THSD7B: variants seen among roughly 807,000 people sequenced by gnomAD.
THSD7B encodes thrombospondin type 1 domain containing 7B.
In THSD7B, 138 loss-of-function variants were observed where a neutral mutation model predicts 213.6. The ratio of observed to expected loss-of-function variants is 0.65; its 90% CI spans 0.56 to 0.74. THSD7B has a LOEUF of 0.74. Ranked by LOEUF, THSD7B falls within the 30% of genes least tolerant of loss-of-function variation. The pLI is 0.00. For synonymous variants in THSD7B, 742 were observed against 687.0 expected (o/e 1.08, Z -1.25); for missense variants, 1,931 against 1,991.5 (o/e 0.97, Z 0.58).
At chr2:136,974,308 C>T (rs1245185456) in intron 2 of THSD7B, among the ~76,000 whole-genome samples, 1 of 152,052 alleles carries the variant, frequency 6.6e-6, no homozygotes, top group Non-Finnish European at 1.5e-5. Flanking sequence ...GTATTAAGCC[C>T]AGCATGCATT....
At chr2:137,502,088 T>C (rs1679719907) in intron 15 of THSD7B, among the ~76,000 whole-genome samples, 1 of 152,184 alleles carries the variant, frequency 6.6e-6, no homozygotes, top group African/African-American at 2.4e-5. Context: ...TGAAATGTTT[T>C]AGTATAACCT....
At chr2:137,613,540 C>A (rs1174832260) in intron 17 of THSD7B, among the ~76,000 whole-genome samples, 1 of 152,182 alleles carries the variant, frequency 6.6e-6, no homozygotes, top group East Asian at 1.9e-4. Flanking sequence ...GTACTAGACA[C>A]TAACTGGTTC....
At chr2:136,958,091 T>C (rs1269089977) in intron 2 of THSD7B, among the ~76,000 whole-genome samples, 1 of 152,210 alleles carries the variant, frequency 6.6e-6, no homozygotes, top group African/African-American at 2.4e-5. Context: ...AATATTCTCA[T>C]CTTATTTTAT....
chr2:137,249,910 G>A (rs1353743735), intron 10 of THSD7B, among the ~76,000 whole-genome samples: 1 of 152,190 alleles, frequency 6.6e-6, no homozygotes, highest in Non-Finnish European at 1.5e-5. Flanking sequence ...TTTGACATGT[G>A]CTATCTCATA....
At chr2:136,923,746 A>C in intron 2 of THSD7B, among the ~76,000 whole-genome samples, 1 of 152,116 alleles carries the variant, frequency 6.6e-6, no homozygotes. Context: ...GGCTATTCAT[A>C]TGTCTCTTTT....
intron 10 of THSD7B, among the ~76,000 whole-genome samples, chr2:137,244,539 A>G (rs1011145853): frequency 2.6e-5 from 4 of 152,200 alleles, no homozygotes; most frequent in Admixed American, 6.5e-5. Context: ...GGTAAAGGAA[A>G]CGGAATCACA....
Position 137,611,349 on chromosome 2 carries a change from G to T in THSD7B, c.3424-4826G>T, listed in dbSNP as rs534709868. 1.5e-3 allele frequency among the ~76,000 whole-genome samples: 223 copies of T among 151,956 alleles called. 1 individual carries two copies. The highest frequency in any genetic ancestry group is 4.9e-3 in the African/African-American group (205 of 41,450). On this transcript the variant is annotated intron_variant, in intron 17 of 27. Transcript: ENST00000409968. ...ATGCCCTATCAGTTTTAATATTGCC[G>T]GCTTTTACCCACTAAATTGAGAACC...
intron 15 of THSD7B, among the ~76,000 whole-genome samples, chr2:137,461,062 A>G (rs1038950126): frequency 2.0e-5 from 3 of 152,032 alleles, no homozygotes; most frequent in Middle Eastern, 3.2e-3. Context: ...GCCTTATTTC[A>G]TTGTATATAC....
chr2:137,255,911 C>G (rs1331970201), intron 10 of THSD7B, among the ~76,000 whole-genome samples: 2 of 152,240 alleles, frequency 1.3e-5, no homozygotes, highest in African/African-American at 4.8e-5. Context: ...TGGTCTCAAA[C>G]TCCTGACCTC....
intron 2 of THSD7B, among the ~76,000 whole-genome samples, chr2:136,950,036 G>T (rs1294391523): frequency 6.6e-6 from 1 of 152,154 alleles, no homozygotes; most frequent in East Asian, 1.9e-4. Flanking sequence ...AGCGGATCAC[G>T]AGGTCAGGAG....
intron 12 of THSD7B, among the ~76,000 whole-genome samples, chr2:137,276,876 C>T (rs1212992333): frequency 6.6e-6 from 1 of 151,670 alleles, no homozygotes; most frequent in African/African-American, 2.4e-5. Context: ...AAATAATATC[C>T]CTGTCAAAAA....
chr2:137,620,844 AC>A, intron 20 of THSD7B, 118 bp downstream of exon 20: 1 of 788,194 alleles, frequency 1.3e-6, no homozygotes. Context: ...TATGAAACTG[AC>A]CCACAGGGGA....
chr2:136,823,290 T>A (rs994554640), intron 1 of THSD7B, among the ~76,000 whole-genome samples: 5 of 152,222 alleles, frequency 3.3e-5, no homozygotes, highest in Admixed American at 6.5e-5. Flanking sequence ...AAGTTCTGAT[T>A]TGAAGACATC....
At chr2:137,635,320 C>T (rs1391824185) in intron 20 of THSD7B, among the ~76,000 whole-genome samples, 2 of 152,094 alleles carry the variant, frequency 1.3e-5, no homozygotes, top group African/African-American at 4.8e-5. Context: ...CAATTGATAC[C>T]TATTGTCATG....
chr2:137,239,390 G>A (rs1002418949), intron 9 of THSD7B, among the ~76,000 whole-genome samples: 1 of 152,122 alleles, frequency 6.6e-6, no homozygotes, highest in Non-Finnish European at 1.5e-5. Flanking sequence ...ACAGTTGGAA[G>A]CCTTATGCCA....
At chr2:137,628,777 C>T (rs78299071) in intron 20 of THSD7B, among the ~76,000 whole-genome samples, 2 of 152,186 alleles carry the variant, frequency 1.3e-5, no homozygotes, top group African/African-American at 2.4e-5. Flanking sequence ...CAGGATCTCA[C>T]CTGTGCTGCC....
chr2:136,767,199 C>T (rs1374268188), intron 1 of THSD7B, among the ~76,000 whole-genome samples: 1 of 152,126 alleles, frequency 6.6e-6, no homozygotes, highest in Non-Finnish European at 1.5e-5. Context: ...TTCCTGAAAG[C>T]CACTTAGGGT....
chr2:137,658,982 C>T (rs1683290768), intron 24 of THSD7B, among the ~76,000 whole-genome samples: 1 of 152,142 alleles, frequency 6.6e-6, no homozygotes, highest in South Asian at 2.1e-4. Flanking sequence ...CAAAGTAAGA[C>T]TAGTATGTAA....
intron 15 of THSD7B, among the ~76,000 whole-genome samples, chr2:137,530,130 T>C (rs1269922710): frequency 1.3e-5 from 2 of 152,022 alleles, no homozygotes; most frequent in African/African-American, 4.8e-5. Flanking sequence ...CAATCAGCTA[T>C]TGAGATGTGC....
Sources: gnomAD v4.1 joint callset for allele counts (sites outside exome capture counted in the v4.1 genomes callset) on GRCh38, gnomAD v4.1.1 for gene constraint, MANE v1.5 for transcripts, NCBI Gene and HGNC (gene_info 2026-07-23, HGNC 2026-07-21) for gene names.